UBN2: variants seen among roughly 807,000 people sequenced by gnomAD.
UBN2 encodes ubinuclein-2.
A neutral mutation model predicts 120.2 loss-of-function variants in UBN2; 35 were observed. The observed-to-expected ratio is 0.29, with a 90% CI of 0.22 to 0.39. UBN2 has a LOEUF of 0.39. Among genes scored for constraint, UBN2 ranks in the 10% least tolerant of loss-of-function variants. UBN2 has a pLI of 1.00. For missense variants in UBN2, 1,693 were observed against 1,663.2 expected, an observed-to-expected ratio of 1.02 and a Z score of -0.31; for synonymous variants, 661 against 648.7, an observed-to-expected ratio of 1.02 and a Z score of -0.29.
chr7:139,320,132 G>A, the UBN2 span, among the ~76,000 whole-genome samples: 1 of 151,232 alleles, frequency 6.6e-6, no homozygotes, highest in African/African-American at 2.4e-5. Context: ...TATTGACAGA[G>A]ATTTCTCTGC....
chr7:139,286,955 A>G (rs1001542402), intron 15 of UBN2, among the ~76,000 whole-genome samples: 2 of 152,172 alleles, frequency 1.3e-5, no homozygotes, highest in Non-Finnish European at 2.9e-5. Flanking sequence ...AATTCAGCTA[A>G]CTGGTAATTC....
At chr7:139,272,688 G>A (rs955774022) in intron 9 of UBN2, among the ~76,000 whole-genome samples, 1 of 151,996 alleles carries the variant, frequency 6.6e-6, no homozygotes, top group Admixed American at 6.6e-5. Flanking sequence ...CACCACACCA[G>A]GCTAATTTTT....
chr7:139,232,148 C>G (rs1479306270), intron 1 of UBN2, among the ~76,000 whole-genome samples, 196 bp downstream of exon 1: 1 of 151,978 alleles, frequency 6.6e-6, no homozygotes, highest in African/African-American at 2.4e-5. Flanking sequence ...GGCCGAGGCT[C>G]TCACCCGGCT....
At position 139,301,963 on chromosome 7, in the gene UBN2, T is replaced by C. The variant is rs1253527453; in HGVS notation, c.*4127T>C. 1 of 152,194 alleles carries C rather than the reference T, an allele frequency of 6.6e-6. No individual in the cohort carries two copies. Among genetic ancestry groups the C allele is most frequent in the Non-Finnish European group, 1.5e-5 (1 of 68,022 alleles). The allele number at this position is 152,194 out of a possible 1,614,324, so 9.4% of individuals were successfully genotyped here. ...AAATGATCACAACATGTTATGCAAT[T>C]TTATTTTATAAAATTTTAAGGGGAA... On this transcript the variant is annotated 3_prime_UTR_variant, in exon 18 of 18. Transcript: ENST00000473989.
downstream of UBN2, among the ~76,000 whole-genome samples, chr7:139,312,985 C>T (rs1487003893): frequency 2.6e-5 from 4 of 151,848 alleles, no homozygotes; most frequent in East Asian, 7.7e-4. Context: ...GGGCTCTGTT[C>T]CATTGTTCTT....
intron 3 of UBN2, among the ~76,000 whole-genome samples, chr7:139,253,345 T>C (rs530667602): frequency 1.1e-4 from 16 of 152,332 alleles, no homozygotes; most frequent in South Asian, 8.3e-4. Flanking sequence ...GTAGGTTAAA[T>C]TTCTAGCAGT....
the UBN2 span, among the ~76,000 whole-genome samples, chr7:139,319,558 C>T: frequency 4.6e-5 from 7 of 152,074 alleles, no homozygotes; most frequent in African/African-American, 1.4e-4. Context: ...GAGTTCAAGT[C>T]CAGCCTGGGC....
chr7:139,256,151 G>A (rs1796760620), intron 3 of UBN2, among the ~76,000 whole-genome samples: 1 of 152,120 alleles, frequency 6.6e-6, no homozygotes, highest in South Asian at 2.1e-4. Context: ...AAGAGTGTTC[G>A]GATAGGAAAA....
chr7:139,282,300 T>C (rs1191671433), intron 14 of UBN2, among the ~76,000 whole-genome samples: 4 of 152,186 alleles, frequency 2.6e-5, no homozygotes, highest in Non-Finnish European at 5.9e-5. Flanking sequence ...ATTAAGAAGG[T>C]TGATTATTTG....
the UBN2 span, among the ~76,000 whole-genome samples, chr7:139,329,575 G>T: frequency 6.6e-6 from 1 of 152,162 alleles, no homozygotes; most frequent in Admixed American, 6.5e-5. Context: ...CTACAGAGGA[G>T]AGAAGGTTGT....
chr7:139,236,765 T>G (rs528031367), intron 1 of UBN2, among the ~76,000 whole-genome samples: 1 of 152,004 alleles, frequency 6.6e-6, no homozygotes, highest in African/African-American at 2.4e-5. Context: ...TACTTCTGAC[T>G]TACTTGTTAG....
intron 7 of UBN2, among the ~76,000 whole-genome samples, chr7:139,268,710 C>T (rs997451252): frequency 2.0e-5 from 3 of 152,138 alleles, no homozygotes; most frequent in Admixed American, 6.5e-5. Context: ...CTTGACCTGC[C>T]GGGCAATTGC....
intron 5 of UBN2, among the ~76,000 whole-genome samples, chr7:139,260,264 A>G (rs1796890739): frequency 6.6e-6 from 1 of 151,790 alleles, no homozygotes; most frequent in Non-Finnish European, 1.5e-5. Flanking sequence ...ATGCCTGGCT[A>G]ATTTTTATAT....
At position 139,282,014 on chromosome 7, in the gene UBN2, G is replaced by T; in HGVS notation, c.2077G>T (p.Val693Leu). The T allele has an allele frequency of 6.2e-7, 1 of 1,613,342 alleles. No individual in the cohort carries two copies. Among genetic ancestry groups the T allele is most frequent in the South Asian group, 1.1e-5 (1 of 91,042 alleles). The part of the protein sequence containing the change: ...APKPKVKEVM[V>L]KTLPLHSFPT... The stretch of plus-strand genomic sequence containing the variant: ...TTATGTAATACCTTAGGAGGTGATG[G>T]TAAAGACCCTTCCTCTCCATTCTTT... The change falls in exon 14 of 18, where the codon GTA (valine) becomes TTA (leucine). Residue 693 changes from valine (V) to leucine (L), a missense_variant. Around this residue, in one of 5 missense-constraint regions of UBN2, gnomAD observed 837 missense variants for 817.6 expected, o/e 1.02. Transcript: ENST00000473989.
At chr7:139,310,754 CAG>C (rs1342849868), downstream of UBN2, among the ~76,000 whole-genome samples, 1 of 152,190 alleles carries the variant, frequency 6.6e-6, no homozygotes, top group Non-Finnish European at 1.5e-5. Flanking sequence ...GCCTGGGCGA[CAG>C]AGTGAGACGC....
chr7:139,321,915 G>A, the UBN2 span, among the ~76,000 whole-genome samples: 1 of 152,082 alleles, frequency 6.6e-6, no homozygotes, highest in East Asian at 1.9e-4. Context: ...AGGAGAGAGG[G>A]TTTCAAGTCA....
At chr7:139,309,555 A>T (rs185482471), downstream of UBN2, among the ~76,000 whole-genome samples, 1,828 of 152,264 alleles carry the variant, frequency 0.012, 48 homozygotes, top group African/African-American at 0.042. Context: ...ATTTTTTTTT[A>T]AAACATATTT....
At chr7:139,236,213 G>T (rs972672855) in intron 1 of UBN2, among the ~76,000 whole-genome samples, 3 of 152,174 alleles carry the variant, frequency 2.0e-5, no homozygotes, top group Non-Finnish European at 4.4e-5. Context: ...CTGTGTGTGT[G>T]TGTGTGTTAA....
rs1489278486 is a variant in UBN2 at position 139,284,576 on chromosome 7, T to TA, written c.3669+3dup. 1 of 1,604,076 alleles carries TA rather than the reference T, an allele frequency of 6.2e-7. No homozygotes were observed. The highest frequency in any genetic ancestry group is 8.5e-7 in the Non-Finnish European group (1 of 1,175,188). On this transcript the variant is annotated splice_region_variant and intron_variant, in intron 15 of 17. Coordinates refer to ENST00000473989, the MANE Select transcript of UBN2 (RefSeq NM_173569.4). ...TCAGTGGTAACAGCCAGTGTGCAGG[T>TA]ATGTATGTTCTGTACGTCCATGTGA...
Sources: allele counts gnomAD v4.1 joint callset (sites outside exome capture counted in the v4.1 genomes callset), GRCh38; gene constraint gnomAD v4.1.1; regional missense constraint gnomAD v4.1.1; transcripts MANE v1.5; gene names NCBI Gene and HGNC (gene_info 2026-07-23, HGNC 2026-07-21).